The following ISM2 variants were observed in gnomAD, a reference collection of about 807,000 sequenced individuals.
The protein encoded by ISM2 is isthmin-2.
ISM2 carries 50 observed loss-of-function variants against 58.0 expected under a neutral mutation model. The ratio of observed to expected loss-of-function variants is 0.86; its 90% CI spans 0.69 to 1.09. The LOEUF is 1.09. Among genes scored for constraint, ISM2 ranks in the 50% least tolerant of loss-of-function variants. The pLI is 0.00. For missense variants in ISM2, 723 were observed against 745.0 expected (o/e 0.97, Z 0.34); for synonymous variants, 303 against 312.4 (o/e 0.97, Z 0.32).
chr14:77,490,528 G>A (rs1244975126), intron 1 of ISM2, among the ~76,000 whole-genome samples: 5 of 152,194 alleles, frequency 3.3e-5, no homozygotes, highest in African/African-American at 9.6e-5. Context: ...TAACTTGCCT[G>A]GAGTCACACA....
chr14:77,496,789 T>C (rs2139976152), intron 1 of ISM2, among the ~76,000 whole-genome samples: 1 of 92,036 alleles, frequency 1.1e-5, no homozygotes, highest in African/African-American at 4.5e-5. Flanking sequence ...AGAGTGAGAC[T>C]CCATCTCAGG....
chr14:77,479,703 C>T (rs975499882), intron 4 of ISM2, among the ~76,000 whole-genome samples: 3 of 152,034 alleles, frequency 2.0e-5, no homozygotes, highest in East Asian at 3.9e-4. Context: ...TTAGTAGAGA[C>T]GGCGTTTCAC....
chr14:77,482,125 T>TA (rs371621754), intron 4 of ISM2, among the ~76,000 whole-genome samples, 197 bp downstream of exon 4: 13,341 of 137,540 alleles, frequency 0.097, 595 homozygotes, highest in African/African-American at 0.14. Flanking sequence ...ATTAAAAAAT[T>TA]AAAAAAAAAA....
At chr14:77,478,806 A>G in intron 4 of ISM2, 91 bp from the exon 5 acceptor site, 3 of 1,337,012 alleles carry the variant, frequency 2.2e-6, no homozygotes, top group Non-Finnish European at 3.2e-6. Context: ...CCTCAGGTGG[A>G]TGCAGCCCAT....
Position 77,498,497 on chromosome 14 carries a change from G to A in ISM2, c.141+156C>T. The A allele has an allele frequency of 2.4e-6, 3 of 1,239,360 alleles. No individual in the cohort carries two copies. The South Asian group carries it at 4.0e-5, about 17-fold the overall frequency. 76.8% of individuals were successfully genotyped at this position (1,239,360 alleles called of 1,614,324 possible). ...AGTCCGGCGCACCTGGGCAACGCCC[G>A]GTGTCCGGGAGCTTCCGGCCGGCCC... On this transcript the variant is annotated intron_variant, in intron 1 of 6. Transcript: ENST00000342219.
intron 1 of ISM2, among the ~76,000 whole-genome samples, chr14:77,488,006 G>C (rs2079178687): frequency 6.6e-6 from 1 of 152,190 alleles, no homozygotes; most frequent in African/African-American, 2.4e-5. Flanking sequence ...AGGGCTGAGG[G>C]GATCAGGGCC....
At position 77,475,846 on chromosome 14, in the gene ISM2, C is replaced by T. The variant is rs961879912; in HGVS notation, c.1465G>A (p.Ala489Thr). Residue 489 changes from alanine (A) to threonine (T), a missense_variant, in exon 7 of 7, where the codon GCC (alanine) becomes ACC (threonine). By Grantham distance (58) the Ala-to-Thr change is moderately conservative (BLOSUM62 0). Coordinates refer to ENST00000342219, the MANE Select transcript of ISM2 (RefSeq NM_199296.3). This position sits in a 1 kb window ranked among gnomAD's most constrained non-coding sequence, Gnocchi z 4.1. ...TCCTCGTCATAGCAGCAGTGCTGGGCGGCCAGTGTGCTGCTCTCCCCAGAC... is the reference window on the plus strand; with the variant it reads ...TCCTCGTCATAGCAGCAGTGCTGGGTGGCCAGTGTGCTGCTCTCCCCAGAC... ...MLSGESSTLA[A>T]QHCCYDEDSR... is the part of the protein sequence containing the mutation. 37 of 1,610,418 alleles carry T rather than the reference C, an allele frequency of 2.3e-5. 1 individual carries two copies. The Admixed American group carries it at 3.7e-4, about 16-fold the overall frequency.
chr14:77,477,410 A>T (rs890739863), intron 6 of ISM2, among the ~76,000 whole-genome samples: 1 of 152,228 alleles, frequency 6.6e-6, no homozygotes, highest in Non-Finnish European at 1.5e-5. Context: ...CCCAGGATCC[A>T]GATGCTGGGA....
chr14:77,494,608 G>T (rs933044121), intron 1 of ISM2, among the ~76,000 whole-genome samples: 2 of 151,962 alleles, frequency 1.3e-5, no homozygotes, highest in African/African-American at 2.4e-5. Flanking sequence ...GGTTGGCCAG[G>T]CTGGTCTTGA....
At chr14:77,495,828 T>C (rs1054910322) in intron 1 of ISM2, among the ~76,000 whole-genome samples, 28 of 152,146 alleles carry the variant, frequency 1.8e-4, no homozygotes, top group African/African-American at 6.5e-4. Context: ...TAACTAGATC[T>C]TGTGAGGGAC....
chr14:77,485,390 C>T (rs1451885672), intron 1 of ISM2, among the ~76,000 whole-genome samples: 1 of 152,236 alleles, frequency 6.6e-6, no homozygotes, highest in African/African-American at 2.4e-5. Context: ...TCAGCCTGCT[C>T]CTGTCCGCTA....
intron 1 of ISM2, 73 bp from the exon 2 acceptor site, chr14:77,484,992 G>C: frequency 6.8e-7 from 1 of 1,478,206 alleles, no homozygotes; most frequent in Non-Finnish European, 9.1e-7. Flanking sequence ...AGGCTGGCCA[G>C]GCAGATCCAG....
Position 77,494,241 on chromosome 14 carries a change from A to C in ISM2, c.141+4412T>G, listed in dbSNP as rs1340279473. Among the ~76,000 whole-genome samples the C allele has an allele frequency of 2.6e-5, 4 of 152,216 alleles. No individual in the cohort carries two copies. In the East Asian group the frequency reaches 7.7e-4, roughly 29 times the overall value. On this transcript the variant is annotated intron_variant, in intron 1 of 6. Transcript: ENST00000342219. Reference sequence around the variant, plus strand: ...CCATGTCAAAGTGGTGTAACAATGAAATATTCTCATGTTAAGTAATTCATA... The same window carrying C: ...CCATGTCAAAGTGGTGTAACAATGACATATTCTCATGTTAAGTAATTCATA...
intron 1 of ISM2, among the ~76,000 whole-genome samples, chr14:77,490,420 A>G (rs1023645074): frequency 2.8e-4 from 36 of 128,100 alleles, no homozygotes; most frequent in Non-Finnish European, 5.3e-4. Flanking sequence ...ATCACCCTAT[A>G]TGTACAGACT....
At chr14:77,495,139 C>G (rs561862884) in intron 1 of ISM2, among the ~76,000 whole-genome samples, 13 of 152,150 alleles carry the variant, frequency 8.5e-5, no homozygotes, top group Non-Finnish European at 1.6e-4. Flanking sequence ...ATTCTCCCAC[C>G]TTGGCCTCCC....
At chr14:77,478,408 G>T in intron 5 of ISM2, 83 bp from the exon 6 acceptor site, 1 of 1,444,810 alleles carries the variant, frequency 6.9e-7, no homozygotes, top group Non-Finnish European at 9.6e-7. Context: ...ACCTCAATAG[G>T]CTCTCAGTGC....
At chr14:77,493,308 T>G (rs1359478492) in intron 1 of ISM2, among the ~76,000 whole-genome samples, 4 of 151,968 alleles carry the variant, frequency 2.6e-5, no homozygotes, top group Non-Finnish European at 5.9e-5. Flanking sequence ...CAACCTGTTT[T>G]TATGACGATG....
chr14:77,477,478 G>A (rs959638014), intron 6 of ISM2, among the ~76,000 whole-genome samples: 3 of 152,184 alleles, frequency 2.0e-5, no homozygotes, highest in Admixed American at 1.3e-4. Context: ...CAGGAGAGGG[G>A]AAGAGACACA....
intron 1 of ISM2, among the ~76,000 whole-genome samples, chr14:77,491,761 A>G (rs994897459): frequency 7.0e-6 from 1 of 142,706 alleles, no homozygotes; most frequent in African/African-American, 2.6e-5. Context: ...CAGAGGCACA[A>G]TCTCGGCTCA....
Sources: allele counts gnomAD v4.1 joint callset (sites outside exome capture counted in the v4.1 genomes callset), GRCh38; gene constraint gnomAD v4.1.1; non-coding constraint Gnocchi (gnomAD v3.1); transcripts MANE v1.5; gene names NCBI Gene and HGNC (gene_info 2026-07-23, HGNC 2026-07-21).